Variants in FGF12 observed in about 807,000 individuals in gnomAD.
The protein encoded by FGF12 is fibroblast growth factor 12B.
FGF12 carries 14 observed loss-of-function variants against 23.6 expected under a neutral mutation model. The observed-to-expected ratio is 0.59, with a 90% CI of 0.39 to 0.93. The LOEUF (loss-of-function observed/expected upper bound fraction) is 0.93. Among genes scored for constraint, FGF12 ranks in the 40% least tolerant of loss-of-function variants. The probability of loss-of-function intolerance (pLI) is 0.00; values close to 1 mark genes in which losing one functional copy is unlikely to be tolerated. For synonymous variants in FGF12, 62 were observed against 77.3 expected (o/e 0.80, Z 1.04); for missense variants, 175 against 217.8 (o/e 0.80, Z 1.24).
At chr3:192,708,645 G>A (rs1470246251) in intron 2 of FGF12, among the ~76,000 whole-genome samples, 2 of 152,082 alleles carry the variant, frequency 1.3e-5, no homozygotes, top group Non-Finnish European at 2.9e-5. Context: ...GAAATTCACA[G>A]CCTAGAAAAC....
Position 192,143,965 on chromosome 3 carries a change from G to A in FGF12, c.*44C>T, listed in dbSNP as rs1485465162. ...AGGAAATGGGTAAATGGGAAGGAAG[G>A]GAAGGGGAAGGGATGAGAGAGGGAA... On this transcript the variant is annotated 3_prime_UTR_variant, in exon 6 of 6. Transcript: ENST00000445105. 7.6e-6 allele frequency: 9 copies of A among 1,179,200 alleles called. No individual in the cohort carries two copies. Among genetic ancestry groups the A allele is most frequent in the Non-Finnish European group, 1.0e-5 (8 of 789,070 alleles). 73.0% of individuals were successfully genotyped at this position (1,179,200 alleles called of 1,614,324 possible). A position where few individuals can be genotyped will look rare whatever the true frequency, so the allele number is the denominator to read the frequency against.
chr3:192,445,794 G>T (rs974933086), intron 2 of FGF12, among the ~76,000 whole-genome samples: 3 of 152,090 alleles, frequency 2.0e-5, no homozygotes, highest in African/African-American at 7.2e-5. Context: ...TTGGCAGCAC[G>T]GCCACCAGAA....
In FGF12 at chr3:192,431,014, A is replaced by G. The variant is rs547952771; in HGVS notation, c.14-70476T>C. 2.4e-4 allele frequency among the ~76,000 whole-genome samples: 36 copies of G among 152,324 alleles called. 1 individual carries two copies. Among genetic ancestry groups the G allele is most frequent in the Admixed American group, 1.8e-3 (28 of 15,288 alleles). ...GGTTTTCATGTTAACCTCAAGTCAC[A>G]ATGGAGTCCACCCACTTTCTCCAAG... On this transcript the variant is annotated intron_variant, in intron 2 of 5. Transcript: ENST00000445105.
chr3:192,669,869 A>G (rs1717045595), intron 2 of FGF12, among the ~76,000 whole-genome samples: 1 of 152,168 alleles, frequency 6.6e-6, no homozygotes, highest in South Asian at 2.1e-4. Flanking sequence ...TGATCAATAT[A>G]TGATATTAAA....
intron 2 of FGF12, among the ~76,000 whole-genome samples, chr3:192,366,752 G>A (rs868759305): frequency 2.6e-5 from 4 of 152,086 alleles, no homozygotes; most frequent in African/African-American, 4.8e-5. Flanking sequence ...AACAGTGGCC[G>A]TGCAGCCTAG....
At chr3:192,434,156 TA>T (rs1216602412) in intron 2 of FGF12, among the ~76,000 whole-genome samples, 1 of 151,734 alleles carries the variant, frequency 6.6e-6, no homozygotes, top group Non-Finnish European at 1.5e-5. Context: ...CTTTTGCAAA[TA>T]AAAAAACCCA....
chr3:192,155,399 C>T (rs137887251), intron 5 of FGF12, among the ~76,000 whole-genome samples: 1 of 152,318 alleles, frequency 6.6e-6, no homozygotes, highest in East Asian at 1.9e-4. Context: ...AGGAATAAAT[C>T]TAGCTGAAGT....
At chr3:192,433,946 T>C (rs1440071191) in intron 2 of FGF12, among the ~76,000 whole-genome samples, 2 of 152,168 alleles carry the variant, frequency 1.3e-5, no homozygotes, top group Non-Finnish European at 2.9e-5. Context: ...CTGGCAATGA[T>C]TTACTAGTAA....
intron 2 of FGF12, among the ~76,000 whole-genome samples, chr3:192,609,043 T>C (rs1254090559): frequency 6.6e-6 from 1 of 152,110 alleles, no homozygotes; most frequent in Non-Finnish European, 1.5e-5. Flanking sequence ...AAATTCTGTG[T>C]TCCTTCTGGA....
At chr3:192,321,008 G>T (rs1163303225) in intron 4 of FGF12, among the ~76,000 whole-genome samples, 1 of 151,964 alleles carries the variant, frequency 6.6e-6, no homozygotes, top group African/African-American at 2.4e-5. Flanking sequence ...AGAAATCAAT[G>T]AAATAAAATG....
chr3:192,496,923 T>C (rs1723975536), intron 2 of FGF12, among the ~76,000 whole-genome samples: 1 of 152,190 alleles, frequency 6.6e-6, no homozygotes, highest in Admixed American at 6.5e-5. Flanking sequence ...ATTGCAGGCT[T>C]AGTCCTTATA....
At chr3:192,293,464 C>A (rs1714871514) in intron 4 of FGF12, among the ~76,000 whole-genome samples, 1 of 152,178 alleles carries the variant, frequency 6.6e-6, no homozygotes, top group African/African-American at 2.4e-5. Flanking sequence ...ATCCTCATGT[C>A]CTCAAGGCTA....
At chr3:192,431,003 C>T (rs1192063491) in intron 2 of FGF12, among the ~76,000 whole-genome samples, 4 of 152,166 alleles carry the variant, frequency 2.6e-5, no homozygotes, top group African/African-American at 9.7e-5. Context: ...TTCATGTTAA[C>T]CTCAAGTCAC....
chr3:192,516,766 C>G (rs1321483795), intron 2 of FGF12: 1 of 152,214 alleles, frequency 6.6e-6, no homozygotes, highest in Non-Finnish European at 1.5e-5. Flanking sequence ...GTATCACAAG[C>G]TCTTTAAGCT....
chr3:192,224,164 C>G (rs1379778106), intron 4 of FGF12, among the ~76,000 whole-genome samples: 1 of 152,126 alleles, frequency 6.6e-6, no homozygotes, highest in Non-Finnish European at 1.5e-5. Context: ...ACTGATACAG[C>G]ATTTCTATAT....
At chr3:192,167,769 A>ATGTATAT (rs1553845519) in intron 5 of FGF12, among the ~76,000 whole-genome samples, 2 of 38,864 alleles carry the variant, frequency 5.1e-5, no homozygotes, top group Admixed American at 8.3e-4. Context: ...ATATATATAT[A>ATGTATAT]AAATTTTTTT....
chr3:192,250,999 T>C (rs1711970413), intron 4 of FGF12, among the ~76,000 whole-genome samples: 1 of 152,176 alleles, frequency 6.6e-6, no homozygotes, highest in South Asian at 2.1e-4. Context: ...ATTATATTTA[T>C]TCTAGGACAA....
At chr3:192,645,431 A>G (rs1263807008) in intron 2 of FGF12, among the ~76,000 whole-genome samples, 1 of 152,188 alleles carries the variant, frequency 6.6e-6, no homozygotes. Flanking sequence ...AAAGAATTTA[A>G]GATGATGCTC....
chr3:192,501,579 T>C (rs61207343), intron 2 of FGF12, among the ~76,000 whole-genome samples: 6,031 of 152,286 alleles, frequency 0.04, 400 homozygotes, highest in African/African-American at 0.14. Context: ...AATAGAATAT[T>C]TCCAGCTGAG....
Sources: allele counts gnomAD v4.1 joint callset (sites outside exome capture counted in the v4.1 genomes callset), GRCh38; gene constraint gnomAD v4.1.1; transcripts MANE v1.5; gene names NCBI Gene and HGNC (gene_info 2026-07-23, HGNC 2026-07-21).